KLHL4: variants seen among roughly 807,000 people sequenced by gnomAD.
The protein encoded by KLHL4 is kelch-like protein 4.
KLHL4 carries 17 observed loss-of-function variants against 45.8 expected under a neutral mutation model. That is an observed-to-expected ratio of 0.37 (90% CI 0.25 to 0.56). KLHL4 has a LOEUF of 0.56. Among genes scored for constraint, KLHL4 ranks in the 20% least tolerant of loss-of-function variants. The pLI is 0.79. For missense variants in KLHL4, 544 were observed against 544.9 expected (o/e 1.00, Z 0.02); for synonymous variants, 224 against 189.9 (o/e 1.18, Z -1.47).
At chrX:87,576,835 C>T (rs1921117165) in intron 1 of KLHL4, among the ~76,000 whole-genome samples, 1 of 111,287 alleles carries the variant, frequency 9.0e-6, no homozygotes. Context: ...TATGGATATA[C>T]TTTTATTTTT....
At chrX:87,570,643 G>C (rs1016175239) in intron 1 of KLHL4, among the ~76,000 whole-genome samples, 5 of 110,613 alleles carry the variant, frequency 4.5e-5, no homozygotes, top group African/African-American at 1.6e-4. Flanking sequence ...ATGAATTCAA[G>C]CAAATTAGGT....
chrX:87,532,933 G>C (rs183580182), intron 1 of KLHL4, among the ~76,000 whole-genome samples: 1 of 109,451 alleles, frequency 9.1e-6, no homozygotes, highest in South Asian at 4.1e-4. Flanking sequence ...CATTTATGCC[G>C]CCAAAAAACA....
intron 6 of KLHL4, among the ~76,000 whole-genome samples, 171 bp downstream of exon 6, chrX:87,625,967 C>T (rs1449846858): frequency 8.9e-6 from 1 of 111,918 alleles, no homozygotes; most frequent in Non-Finnish European, 1.9e-5. Flanking sequence ...CCTTATGAGA[C>T]ATAACCTTTC....
chrX:87,532,271 C>T (rs1931308183), intron 1 of KLHL4, among the ~76,000 whole-genome samples: 1 of 110,078 alleles, frequency 9.1e-6, no homozygotes, highest in African/African-American at 3.3e-5. Flanking sequence ...TCTGAGGGCT[C>T]TGTTCTGTTC....
intron 1 of KLHL4, among the ~76,000 whole-genome samples, chrX:87,608,474 C>CT (rs530132035): frequency 0.021 from 2,298 of 106,885 alleles, 27 homozygotes; most frequent in Non-Finnish European, 0.031. Context: ...TTCTGAAGGG[C>CT]TTTTTTTTTT....
chrX:87,528,630 G>A (rs1339494783), intron 1 of KLHL4, among the ~76,000 whole-genome samples: 4 of 100,204 alleles, frequency 4.0e-5, no homozygotes, highest in African/African-American at 1.1e-4. Flanking sequence ...CAGGGGAATC[G>A]CTTGAACCCA....
chrX:87,532,175 A>G (rs1411181060), intron 1 of KLHL4, among the ~76,000 whole-genome samples: 1 of 108,783 alleles, frequency 9.2e-6, no homozygotes, highest in East Asian at 3.0e-4. Flanking sequence ...TCCCAGCACC[A>G]TTTATTAAAT....
At chrX:87,546,059 A>G (rs1405132133) in intron 1 of KLHL4, among the ~76,000 whole-genome samples, 1 of 111,709 alleles carries the variant, frequency 9.0e-6, no homozygotes, top group Non-Finnish European at 1.9e-5. Flanking sequence ...ACAAAAACAA[A>G]AAACAACAAA....
chrX:87,544,495 G>C (rs148048372), intron 1 of KLHL4, among the ~76,000 whole-genome samples: 3 of 111,509 alleles, frequency 2.7e-5, no homozygotes, highest in African/African-American at 9.8e-5. Flanking sequence ...AGCAGGCCGT[G>C]TGTGAAACCC....
At position 87,614,028 on chromosome X, in the gene KLHL4, C is replaced by T. The variant is rs769378639; in HGVS notation, c.574C>T (p.Arg192Cys). Residue 192 changes from arginine to cysteine, a missense_variant, in exon 2 of 11, where the codon CGC becomes TGC. By Grantham distance (180) the Arg-to-Cys change is radical. Transcript: ENST00000373119. ...CDVLLIAGHL[R>C]IPAHRLVLSA... The stretch of plus-strand genomic sequence containing the variant: ...TGTGCTACTGATTGCAGGACACCTC[C>T]GCATCCCAGCCCATAGGTAAGTATT... The T allele has an allele frequency of 1.4e-5, 17 of 1,198,070 alleles. No homozygotes were observed. Among genetic ancestry groups the T allele is most frequent in the Admixed American group, 4.5e-5 (2 of 44,501 alleles).
intron 1 of KLHL4, among the ~76,000 whole-genome samples, chrX:87,609,531 T>C (rs1025249475): frequency 4.4e-5 from 5 of 112,554 alleles, no homozygotes; most frequent in Non-Finnish European, 1.9e-5. Context: ...CATTTTTTCA[T>C]GTGTCTGTTG....
At chrX:87,651,977 C>T (rs1923830437) in intron 9 of KLHL4, among the ~76,000 whole-genome samples, 2 of 112,534 alleles carry the variant, frequency 1.8e-5, no homozygotes, top group Non-Finnish European at 3.8e-5. Flanking sequence ...GGCATCCAGT[C>T]ATTTCCATAC....
At chrX:87,659,767 G>C (rs763331733) in intron 9 of KLHL4, among the ~76,000 whole-genome samples, 63 of 110,553 alleles carry the variant, frequency 5.7e-4, no homozygotes, top group Middle Eastern at 9.4e-3. Context: ...TATGCCTTTT[G>C]ATCTTTTGCT....
At chrX:87,617,603 A>G (rs1185326122) in intron 3 of KLHL4, among the ~76,000 whole-genome samples, 2 of 111,988 alleles carry the variant, frequency 1.8e-5, no homozygotes, top group Non-Finnish European at 3.8e-5. Flanking sequence ...TAATATTCTC[A>G]TGTACATATA....
intron 1 of KLHL4, among the ~76,000 whole-genome samples, chrX:87,573,821 A>C (rs186824839): frequency 3.0e-4 from 33 of 111,842 alleles, no homozygotes; most frequent in African/African-American, 1.0e-3. Context: ...AAAAATTATA[A>C]AGGAAAGTCT....
At chrX:87,569,530 C>T (rs1455399225) in intron 1 of KLHL4, among the ~76,000 whole-genome samples, 3 of 111,417 alleles carry the variant, frequency 2.7e-5, no homozygotes, top group Non-Finnish European at 5.7e-5. Flanking sequence ...ATATTCACAG[C>T]AGCACTATTC....
At chrX:87,569,693 A>G (rs950182759) in intron 1 of KLHL4, among the ~76,000 whole-genome samples, 6 of 111,749 alleles carry the variant, frequency 5.4e-5, no homozygotes, top group African/African-American at 1.9e-4. Context: ...CCCTGGAAAC[A>G]TTATGCTAAT....
At chrX:87,528,207 GAATT>G (rs1471123164) in intron 1 of KLHL4, among the ~76,000 whole-genome samples, 1 of 111,426 alleles carries the variant, frequency 9.0e-6, no homozygotes, top group African/African-American at 3.3e-5. Context: ...TAATGAAAAA[GAATT>G]AAGCAGAAAT....
intron 9 of KLHL4, among the ~76,000 whole-genome samples, chrX:87,656,773 C>A (rs901655270): frequency 9.0e-6 from 1 of 111,552 alleles, no homozygotes; most frequent in Non-Finnish European, 1.9e-5. Flanking sequence ...TTCTTTTATA[C>A]TTCCAGAATT....
Sources: gnomAD v4.1 joint callset for allele counts (sites outside exome capture counted in the v4.1 genomes callset) on GRCh38, gnomAD v4.1.1 for gene constraint, MANE v1.5 for transcripts, NCBI Gene and HGNC (gene_info 2026-07-23, HGNC 2026-07-21) for gene names.